Variants in LAMA3 observed in about 807,000 individuals in gnomAD.
LAMA3 encodes laminin subunit alpha-3.
In LAMA3, 281 loss-of-function variants were observed where a neutral mutation model predicts 402.0. The observed-to-expected ratio is 0.70, with a 90% confidence interval of 0.63 to 0.77. LAMA3 has a LOEUF of 0.77. Ranked by LOEUF, LAMA3 falls within the 30% of genes least tolerant of loss-of-function variation. The pLI is 0.00. For missense variants in LAMA3, 3,840 were observed against 4,215.5 expected (o/e 0.91, Z 2.47); for synonymous variants, 1,431 against 1,558.4 (o/e 0.92, Z 1.93).
rs149029169 is a variant in LAMA3 at position 23,776,960 on chromosome 18, C to A, written c.1406-597C>A. Among the ~76,000 whole-genome samples, 16 of 151,946 alleles carry A rather than the reference C, an allele frequency of 1.1e-4. No individual in the cohort carries two copies. In the East Asian group the frequency reaches 3.1e-3, roughly 29 times the overall value. On this transcript the variant is annotated intron_variant, in intron 10 of 74. Transcript: ENST00000313654. ...GGTTCAAGCGATTCTCCTGCCTCAG[C>A]CTCCTGAGTAGTTGGGATTACAGGC...
chr18:23,847,091 C>T (rs561248965), intron 31 of LAMA3, among the ~76,000 whole-genome samples: 32 of 152,356 alleles, frequency 2.1e-4, no homozygotes, highest in Non-Finnish European at 3.7e-4. Flanking sequence ...TGCCCTGACC[C>T]TGGGCTCTGG....
intron 42 of LAMA3, among the ~76,000 whole-genome samples, chr18:23,891,419 G>C (rs2080659100): frequency 6.6e-6 from 1 of 152,186 alleles, no homozygotes; most frequent in Non-Finnish European, 1.5e-5. Flanking sequence ...TGAATGTTGG[G>C]AAGATAAGTG....
chr18:23,883,471 T>C (rs1036999910), intron 40 of LAMA3, among the ~76,000 whole-genome samples: 6 of 152,214 alleles, frequency 3.9e-5, no homozygotes, highest in African/African-American at 1.4e-4. Flanking sequence ...AACATCTCAC[T>C]AGTACATAGA....
intron 41 of LAMA3, 84 bp from the exon 42 acceptor site, chr18:23,889,927 A>G: frequency 9.8e-7 from 1 of 1,015,276 alleles, no homozygotes; most frequent in Non-Finnish European, 1.6e-6. Flanking sequence ...AATATCCCAA[A>G]CAGAGAGCTA....
intron 12 of LAMA3, among the ~76,000 whole-genome samples, chr18:23,801,283 C>A (rs1238276857): frequency 1.3e-5 from 2 of 152,124 alleles, no homozygotes; most frequent in Non-Finnish European, 2.9e-5. Flanking sequence ...CTGGAGGACA[C>A]TGGGGACTTC....
intron 12 of LAMA3, among the ~76,000 whole-genome samples, chr18:23,803,987 C>T (rs746048086): frequency 7.9e-5 from 12 of 152,144 alleles, no homozygotes; most frequent in Admixed American, 1.3e-4. Flanking sequence ...CATTTGATGA[C>T]GGAATGCTGC....
At chr18:23,853,421 G>A (rs1314068952) in intron 32 of LAMA3, among the ~76,000 whole-genome samples, 1 of 152,084 alleles carries the variant, frequency 6.6e-6, no homozygotes, top group African/African-American at 2.4e-5. Context: ...TTACAGGCAT[G>A]CACCACCACA....
intron 2 of LAMA3, among the ~76,000 whole-genome samples, chr18:23,716,961 T>A (rs980656964): frequency 2.0e-5 from 3 of 152,238 alleles, no homozygotes; most frequent in Admixed American, 1.3e-4. Context: ...AGCAGTCGTA[T>A]TTTTTATTTA....
intron 50 of LAMA3, 63 bp from the exon 51 acceptor site, chr18:23,904,490 G>A (rs1303241430): frequency 6.6e-7 from 1 of 1,505,944 alleles, no homozygotes; most frequent in South Asian, 1.2e-5. Context: ...GAAAGGTTTG[G>A]GGGGATGTCA....
chr18:23,800,186 A>G (rs1385986953), intron 12 of LAMA3, among the ~76,000 whole-genome samples: 1 of 152,266 alleles, frequency 6.6e-6, no homozygotes. Context: ...AATAAAGAGT[A>G]TAACAAGACA....
intron 27 of LAMA3, among the ~76,000 whole-genome samples, chr18:23,840,245 A>C (rs1020223802): frequency 3.6e-4 from 55 of 152,236 alleles, no homozygotes; most frequent in African/African-American, 1.1e-3. Context: ...GATATTTGGC[A>C]ATTATTCATG....
intron 22 of LAMA3, among the ~76,000 whole-genome samples, 173 bp downstream of exon 22, chr18:23,826,972 G>C (rs1040988945): frequency 1.2e-4 from 19 of 152,216 alleles, no homozygotes; most frequent in African/African-American, 4.6e-4. Context: ...GATTCACAAA[G>C]CACTTTGCAC....
At chr18:23,847,811 T>C (rs2063853848) in intron 32 of LAMA3, 143 bp downstream of exon 32, 1 of 777,412 alleles carries the variant, frequency 1.3e-6, no homozygotes, top group Non-Finnish European at 2.1e-6. Context: ...CCAGACAGGA[T>C]GGGTTGCAGT....
chr18:23,735,979 T>G (rs1454647238), intron 2 of LAMA3, among the ~76,000 whole-genome samples: 2 of 152,142 alleles, frequency 1.3e-5, no homozygotes, highest in Non-Finnish European at 2.9e-5. Context: ...CTGCTCCTCT[T>G]TCTTATTTGT....
chr18:23,905,444 C>A, intron 51 of LAMA3, 78 bp from the exon 52 acceptor site: 1 of 841,824 alleles, frequency 1.2e-6, no homozygotes, highest in East Asian at 2.6e-5. Context: ...TTAAGGGCTT[C>A]AGACTAGGAT....
intron 9 of LAMA3, among the ~76,000 whole-genome samples, chr18:23,774,334 A>T (rs928893870): frequency 6.6e-6 from 1 of 152,256 alleles, no homozygotes; most frequent in Non-Finnish European, 1.5e-5. Context: ...AGTACTTGCC[A>T]TATATGAGGC....
intron 8 of LAMA3, among the ~76,000 whole-genome samples, chr18:23,765,372 C>T (rs2143771076): frequency 6.6e-6 from 1 of 152,264 alleles, no homozygotes; most frequent in East Asian, 1.9e-4. Context: ...ACAATCCAAG[C>T]ACAGGATGGA....
chr18:23,861,578 T>G, intron 34 of LAMA3, 68 bp from the exon 35 acceptor site: 2 of 1,564,900 alleles, frequency 1.3e-6, no homozygotes, highest in Non-Finnish European at 1.8e-6. Context: ...TAGTACATCA[T>G]GCACCCATCA....
At chr18:23,721,564 C>T (rs2061213300) in intron 2 of LAMA3, among the ~76,000 whole-genome samples, 1 of 152,226 alleles carries the variant, frequency 6.6e-6, no homozygotes. Flanking sequence ...GCAAATGTTA[C>T]AAATCAGGGC....
Sources: gnomAD v4.1 joint callset for allele counts (sites outside exome capture counted in the v4.1 genomes callset) on GRCh38, gnomAD v4.1.1 for gene constraint, MANE v1.5 for transcripts, NCBI Gene and HGNC (gene_info 2026-07-23, HGNC 2026-07-21) for gene names.